Variants in NAA38 observed in about 807,000 individuals in gnomAD.
NAA38 encodes N-alpha-acetyltransferase 38, NatC auxiliary subunit, also known as LSM domain containing 1.
A neutral mutation model predicts 12.6 loss-of-function variants in NAA38; 15 were observed. The ratio of observed to expected loss-of-function variants is 1.19; its 90% CI spans 0.79 to 1.83. The LOEUF (loss-of-function observed/expected upper bound fraction) is 1.83, where lower values mean the gene tolerates loss of function less well. NAA38 is among the 40% of genes most tolerant of loss of function. The pLI, the probability that NAA38 is intolerant of heterozygous loss-of-function variation, is 0.00. For synonymous variants in NAA38, 88 were observed against 69.9 expected (o/e 1.26, Z -1.29); for missense variants, 183 against 171.7 (o/e 1.07, Z -0.37).
At chr17:7,856,974 C>T in intron 2 of NAA38, 41 bp downstream of exon 2, 1 of 1,589,902 alleles carries the variant, frequency 6.3e-7, no homozygotes, top group Non-Finnish European at 8.6e-7. Flanking sequence ...CGTAAGGTTC[C>T]GCCACATTAC....
intron 2 of NAA38, among the ~76,000 whole-genome samples, chr17:7,871,638 C>A (rs1967087829): frequency 6.6e-6 from 1 of 152,120 alleles, no homozygotes; most frequent in African/African-American, 2.4e-5. Flanking sequence ...GGAAGTAGAT[C>A]TCTGGTGGGC....
Position 7,884,982 on chromosome 17 carries a change from A to G in NAA38, c.-167+183T>C, listed in dbSNP as rs1344951328. 8.6e-7 allele frequency: 1 copy of G among 1,169,378 alleles called. No individual in the cohort carries two copies. Among genetic ancestry groups the G allele is most frequent in the Non-Finnish European group, 1.1e-6 (1 of 944,594 alleles). The allele number at this position is 1,169,378 out of a possible 1,614,324, so 72.4% of individuals were successfully genotyped here. ...GTACTCGGGCGCGGGCCGGGCCACG[A>G]CCGGGGCCGCGACCGCCACAGCCCC... On this transcript the variant is annotated intron_variant, in intron 1 of 4. Coordinates refer to the NAA38 transcript ENST00000576861.
intron 2 of NAA38, among the ~76,000 whole-genome samples, chr17:7,866,900 T>C (rs896819312): frequency 1.4e-4 from 21 of 152,056 alleles, no homozygotes; most frequent in African/African-American, 4.6e-4. Flanking sequence ...ACTCAATAAA[T>C]ACAGAATGAA....
intron 1 of NAA38, chr17:7,884,698 GGAGGAGGAGGA>G: frequency 6.8e-6 from 1 of 147,934 alleles, no homozygotes. Context: ...CCGCCGCCGA[GGAGGAGGAGGA>G]GGAGGAGGAG....
At chr17:7,867,372 CTT>C (rs1967006392) in intron 2 of NAA38, among the ~76,000 whole-genome samples, 1 of 151,904 alleles carries the variant, frequency 6.6e-6, no homozygotes, top group East Asian at 1.9e-4. Context: ...GAGTCTTGCT[CTT>C]GTTGCCCAGG....
chr17:7,868,194 C>T (rs1295967762), intron 2 of NAA38, among the ~76,000 whole-genome samples: 1 of 152,108 alleles, frequency 6.6e-6, no homozygotes, highest in Non-Finnish European at 1.5e-5. Context: ...GAGAAAAGGA[C>T]ACCACAAAGG....
chr17:7,885,331 GCCGCCGCCGCCGCCA>G (rs1376028988), upstream of NAA38: 2 of 180,172 alleles, frequency 1.1e-5, no homozygotes, highest in African/African-American at 4.9e-5. Flanking sequence ...CGCCGCCGCC[GCCGCCGCCGCCGCCA>G]CCCCGGCTGG....
At chr17:7,882,843 G>C (rs1377045635) in intron 2 of NAA38, among the ~76,000 whole-genome samples, 2 of 152,144 alleles carry the variant, frequency 1.3e-5, no homozygotes, top group African/African-American at 4.8e-5. Context: ...CTCCCTCTCA[G>C]GGTGCTCCTG....
At chr17:7,858,305 C>T, upstream of NAA38, 2 of 1,613,954 alleles carry the variant, frequency 1.2e-6, no homozygotes, top group Non-Finnish European at 1.7e-6. Flanking sequence ...GTAAGGGCCA[C>T]ACGTTGGGCC....
chr17:7,873,505 G>C (rs1967122150), intron 2 of NAA38, among the ~76,000 whole-genome samples: 1 of 152,162 alleles, frequency 6.6e-6, no homozygotes, highest in Non-Finnish European at 1.5e-5. Flanking sequence ...GCTGTGAATG[G>C]ACACAGTGCG....
At chr17:7,884,890 C>G in intron 1 of NAA38, 4 of 1,297,698 alleles carry the variant, frequency 3.1e-6, no homozygotes, top group South Asian at 1.6e-5. Flanking sequence ...AAGAAGAGGG[C>G]GACGAGGAGG....
chr17:7,867,550 G>A (rs1387153934), intron 2 of NAA38, among the ~76,000 whole-genome samples: 1 of 152,152 alleles, frequency 6.6e-6, no homozygotes, highest in African/African-American at 2.4e-5. Flanking sequence ...TGTTGGCCAG[G>A]CTGGTCTTGA....
upstream of NAA38, chr17:7,857,956 AC>A: frequency 6.9e-7 from 1 of 1,456,134 alleles, no homozygotes; most frequent in Admixed American, 2.7e-5. Flanking sequence ...TGCAGTCCAA[AC>A]CCCGCCCCTG....
At chr17:7,857,320 C>T in intron 1 of NAA38, 63 bp downstream of exon 1, 1 of 1,612,660 alleles carries the variant, frequency 6.2e-7, no homozygotes, top group Non-Finnish European at 8.5e-7. Context: ...AGCTGCAGTT[C>T]CCCACCCCCT....
intron 2 of NAA38, among the ~76,000 whole-genome samples, chr17:7,880,720 A>G (rs1385970045): frequency 6.6e-6 from 1 of 152,224 alleles, no homozygotes; most frequent in Non-Finnish European, 1.5e-5. Flanking sequence ...TTTATAGGGT[A>G]CTTTTTAGTA....
chr17:7,857,569 C>T, upstream of NAA38: 2 of 1,405,018 alleles, frequency 1.4e-6, no homozygotes, highest in Non-Finnish European at 9.2e-7. Flanking sequence ...CGCGAGATCC[C>T]CTCTCCTCCC....
At chr17:7,859,833 G>T, upstream of NAA38, 2 of 549,290 alleles carry the variant, frequency 3.6e-6, no homozygotes, top group Non-Finnish European at 6.5e-6. Context: ...AATGATACAA[G>T]AAGATCAAGT....
At chr17:7,861,711 C>T (rs2078884295), upstream of NAA38, 1 of 152,230 alleles carries the variant, frequency 6.6e-6, no homozygotes, top group Non-Finnish European at 1.5e-5. Context: ...TTACCATCAC[C>T]TCTTGTCTAA....
intron 3 of NAA38, chr17:7,865,765 G>A (rs1256978810): frequency 6.6e-6 from 1 of 152,220 alleles, no homozygotes; most frequent in Non-Finnish European, 1.5e-5. Context: ...ATGCACTGGA[G>A]GTAAAAGGGG....
Sources: gnomAD v4.1 joint callset for allele counts (sites outside exome capture counted in the v4.1 genomes callset) on GRCh38, gnomAD v4.1.1 for gene constraint, MANE v1.5 for transcripts, NCBI Gene and HGNC (gene_info 2026-07-23, HGNC 2026-07-21) for gene names.